The following CDH13 variants were observed in gnomAD, a reference collection of about 807,000 sequenced individuals.
The protein encoded by CDH13 is cadherin 13.
CDH13 carries 24 observed loss-of-function variants against 63.8 expected under a neutral mutation model. The observed-to-expected ratio is 0.38, with a 90% CI of 0.27 to 0.53. CDH13 has a LOEUF of 0.53. Among genes scored for constraint, CDH13 ranks in the 20% least tolerant of loss-of-function variants. CDH13 has a pLI of 0.85. For synonymous variants in CDH13, 503 were observed against 355.3 expected, an observed-to-expected ratio of 1.42 and a Z score of -4.67; for missense variants, 1,049 against 903.1, an observed-to-expected ratio of 1.16 and a Z score of -2.07.
At chr16:83,540,994 C>T (rs1185677020) in intron 7 of CDH13, among the ~76,000 whole-genome samples, 1 of 152,074 alleles carries the variant, frequency 6.6e-6, no homozygotes, top group Non-Finnish European at 1.5e-5. Context: ...ACTACAGAGC[C>T]CAGGGTGAAA....
At chr16:83,187,244 A>C (rs2038554675) in intron 4 of CDH13, among the ~76,000 whole-genome samples, 1 of 152,180 alleles carries the variant, frequency 6.6e-6, no homozygotes, top group Admixed American at 6.5e-5. Flanking sequence ...GTCTGGAATT[A>C]CAGGCGTAAG....
intron 7 of CDH13, among the ~76,000 whole-genome samples, chr16:83,563,965 C>T (rs1186983175): frequency 2.0e-5 from 3 of 152,150 alleles, no homozygotes; most frequent in African/African-American, 7.2e-5. Flanking sequence ...GTCTTCACAG[C>T]CTGCCTGTAT....
chr16:83,305,953 A>C (rs936549078), intron 5 of CDH13, among the ~76,000 whole-genome samples: 2 of 152,206 alleles, frequency 1.3e-5, no homozygotes, highest in East Asian at 1.9e-4. Context: ...TGATCATTCT[A>C]ATCTAGAACA....
intron 5 of CDH13, among the ~76,000 whole-genome samples, chr16:83,326,779 C>G (rs2090372204): frequency 6.6e-6 from 1 of 152,184 alleles, no homozygotes; most frequent in African/African-American, 2.4e-5. Flanking sequence ...TTGGATGACA[C>G]TGTGCCAGGA....
At chr16:83,522,314 A>C (rs2074857817) in intron 7 of CDH13, among the ~76,000 whole-genome samples, 3 of 152,148 alleles carry the variant, frequency 2.0e-5, no homozygotes. Flanking sequence ...TGTATTATTC[A>C]CTTGATGGAG....
At chr16:83,626,100 T>A (rs1317445354) in intron 8 of CDH13, among the ~76,000 whole-genome samples, 1 of 150,596 alleles carries the variant, frequency 6.6e-6, no homozygotes, top group Non-Finnish European at 1.5e-5. Flanking sequence ...AGCCTCCACC[T>A]CCAAGGCTCC....
intron 1 of CDH13, among the ~76,000 whole-genome samples, chr16:82,839,114 A>T (rs528784752): frequency 6.6e-5 from 10 of 152,310 alleles, no homozygotes; most frequent in Admixed American, 5.2e-4. Context: ...TTGCCAATCA[A>T]TGGTTTAGCC....
intron 10 of CDH13, among the ~76,000 whole-genome samples, chr16:83,691,015 C>G (rs1173344744): frequency 2.6e-5 from 4 of 151,536 alleles, no homozygotes; most frequent in African/African-American, 9.7e-5. Context: ...AACCACTGGG[C>G]CAGGCCCTGA....
intron 2 of CDH13, among the ~76,000 whole-genome samples, chr16:82,894,870 C>T (rs910462271): frequency 6.6e-6 from 1 of 152,086 alleles, no homozygotes; most frequent in African/African-American, 2.4e-5. Flanking sequence ...TGGCGAAGGC[C>T]TTGGTGAGTC....
At chr16:82,872,472 C>G (rs917547774) in intron 2 of CDH13, among the ~76,000 whole-genome samples, 2 of 152,152 alleles carry the variant, frequency 1.3e-5, no homozygotes, top group African/African-American at 4.8e-5. Context: ...GGTATTAGAA[C>G]TACATAAACT....
chr16:82,639,300 G>C (rs1381442676), intron 1 of CDH13: 4 of 1,252,462 alleles, frequency 3.2e-6, no homozygotes, highest in Admixed American at 4.1e-5. Flanking sequence ...GCAACCTTCA[G>C]AACAGGGTCA....
At chr16:83,074,960 A>G (rs1173412904) in intron 3 of CDH13, among the ~76,000 whole-genome samples, 1 of 152,212 alleles carries the variant, frequency 6.6e-6, no homozygotes, top group Non-Finnish European at 1.5e-5. Flanking sequence ...CAGCCTAAGC[A>G]AGGCAGCCAC....
intron 5 of CDH13, among the ~76,000 whole-genome samples, chr16:83,271,375 G>T (rs947023449): frequency 4.6e-4 from 53 of 114,874 alleles, no homozygotes; most frequent in Admixed American, 1.0e-3. Flanking sequence ...CAACATTCTT[G>T]TGTTGGATCT....
At position 83,203,619 on chromosome 16, in the gene CDH13, G is replaced by A. The variant is rs528614439; in HGVS notation, c.484-13726G>A. 2.5e-3 allele frequency among the ~76,000 whole-genome samples: 308 copies of A among 120,978 alleles called. 1 individual carries two copies. The highest frequency in any genetic ancestry group is 9.3e-3 in the African/African-American group (298 of 31,980). The allele number at this position is 120,978 out of a possible 152,430, so 79.4% of individuals were successfully genotyped here. A position where few individuals can be genotyped will look rare whatever the true frequency, so the allele number is the denominator to read the frequency against. ...GGAGAATGGTGTGAACCCGGGAGGC[G>A]CCACTGCATTCCAGCCTGGGTGACA... is the stretch of plus-strand genomic sequence containing the variant. On this transcript the variant is annotated intron_variant, in intron 4 of 13. Transcript: ENST00000567109.
intron 11 of CDH13, among the ~76,000 whole-genome samples, chr16:83,774,731 C>T (rs1914989613): frequency 6.6e-6 from 1 of 152,058 alleles, no homozygotes; most frequent in Non-Finnish European, 1.5e-5. Flanking sequence ...TCCCCAGAGT[C>T]GTCAGATTCA....
chr16:83,033,510 A>C (rs966146661), intron 3 of CDH13, among the ~76,000 whole-genome samples: 7 of 152,150 alleles, frequency 4.6e-5, no homozygotes, highest in Non-Finnish European at 8.8e-5. Flanking sequence ...ATATGCGCAT[A>C]TACTGTGTAT....
At chr16:83,172,548 A>G (rs999218312) in intron 4 of CDH13, among the ~76,000 whole-genome samples, 2 of 151,876 alleles carry the variant, frequency 1.3e-5, no homozygotes, top group Non-Finnish European at 2.9e-5. Context: ...TGATACATCT[A>G]TAAGCCCAAA....
At position 83,558,488 on chromosome 16, in the gene CDH13, T is replaced by C. The variant is rs571073295; in HGVS notation, c.961-43966T>C. ...ACTGGTGCCTTATGCATGAATAATG[T>C]ATGTATAATGTATGTGTCACTGCCT... On this transcript the variant is annotated intron_variant, in intron 7 of 13. Coordinates refer to ENST00000567109, the MANE Select transcript of CDH13 (RefSeq NM_001257.5). Among the ~76,000 whole-genome samples, 5 of 152,344 alleles carry C rather than the reference T, an allele frequency of 3.3e-5. No individual in the cohort carries two copies. In the South Asian group the frequency reaches 1.0e-3, roughly 32 times the overall value.
chr16:83,169,650 T>A (rs993412016), intron 4 of CDH13, among the ~76,000 whole-genome samples: 2 of 152,108 alleles, frequency 1.3e-5, no homozygotes, highest in African/African-American at 4.8e-5. Flanking sequence ...GCTTCCCTAT[T>A]GATTCATAAA....
Sources: allele counts gnomAD v4.1 joint callset (sites outside exome capture counted in the v4.1 genomes callset), GRCh38; gene constraint gnomAD v4.1.1; transcripts MANE v1.5; gene names NCBI Gene and HGNC (gene_info 2026-07-23, HGNC 2026-07-21).